The following TMTC1 variants were observed in gnomAD, a reference collection of about 807,000 sequenced individuals.
The protein encoded by TMTC1 is protein O-mannosyl-transferase TMTC1.
A neutral mutation model predicts 104.8 loss-of-function variants in TMTC1; 73 were observed. The ratio of observed to expected loss-of-function variants is 0.70; its 90% CI spans 0.58 to 0.85. TMTC1 has a LOEUF of 0.85. Among genes scored for constraint, TMTC1 ranks in the 40% least tolerant of loss-of-function variants. The pLI, the probability that TMTC1 is intolerant of heterozygous loss-of-function variation, is 0.00. For missense variants in TMTC1, 1,035 were observed against 1,096.1 expected, an observed-to-expected ratio of 0.94 and a Z score of 0.79; for synonymous variants, 434 against 428.7, an observed-to-expected ratio of 1.01 and a Z score of -0.15.
chr12:29,644,042 ATTT>A lies in TMTC1; in HGVS notation c.939-10709_939-10707del, dbSNP rs1360656716. Among the ~76,000 whole-genome samples the A allele has an allele frequency of 8.6e-3, 853 of 99,434 alleles. 35 individuals carry two copies. The highest frequency in any genetic ancestry group is 0.035 in the African/African-American group (821 of 23,796). The allele number at this position is 99,434 out of a possible 152,430, so 65.2% of individuals were successfully genotyped here. ...ATTTATATATAAATATAAATATATA[ATTT>A]ATATATAAATATAAATATATAATTT... is the stretch of plus-strand genomic sequence containing the variant. On this transcript the variant is annotated intron_variant, in intron 5 of 17. Coordinates refer to ENST00000539277, the MANE Select transcript of TMTC1 (RefSeq NM_001193451.2).
chr12:29,759,370 GC>G (rs1943291813), intron 2 of TMTC1, among the ~76,000 whole-genome samples: 1 of 152,114 alleles, frequency 6.6e-6, no homozygotes. Context: ...GGTGGCACAT[GC>G]CTGTAGTTCC....
chr12:29,643,614 TATATATC>T (rs1939007594), intron 5 of TMTC1, among the ~76,000 whole-genome samples: 1 of 32,248 alleles, frequency 3.1e-5, no homozygotes, highest in Non-Finnish European at 4.8e-5. Flanking sequence ...TTATATATAA[TATATATC>T]TATATATTAT....
intron 2 of TMTC1, among the ~76,000 whole-genome samples, chr12:29,763,756 G>C: frequency 6.6e-6 from 1 of 152,210 alleles, no homozygotes; most frequent in South Asian, 2.1e-4. Flanking sequence ...CTCAAGGCGA[G>C]AGGAAGCTCA....
At chr12:29,515,463 G>C (rs1398756595) in intron 15 of TMTC1, among the ~76,000 whole-genome samples, 1 of 152,140 alleles carries the variant, frequency 6.6e-6, no homozygotes, top group African/African-American at 2.4e-5. Flanking sequence ...ATTCCTCAGA[G>C]AGGCCCCTCA....
intron 5 of TMTC1, among the ~76,000 whole-genome samples, chr12:29,728,842 A>T (rs1456783613): frequency 6.6e-6 from 1 of 151,568 alleles, no homozygotes; most frequent in East Asian, 2.0e-4. Context: ...ACAAAAAAAA[A>T]AAAAAATTAC....
At chr12:29,750,106 TC>T in intron 5 of TMTC1, among the ~76,000 whole-genome samples, 1 of 146,716 alleles carries the variant, frequency 6.8e-6, no homozygotes, top group East Asian at 2.3e-4. Context: ...AACTCCAGTA[TC>T]TTCCCATTCC....
intron 15 of TMTC1, 41 bp downstream of exon 15, chr12:29,516,308 A>G: frequency 6.3e-7 from 1 of 1,586,400 alleles, no homozygotes. Flanking sequence ...CCCATGTTTA[A>G]CCTATGAATC....
At chr12:29,528,014 T>A (rs1324705594) in intron 11 of TMTC1, among the ~76,000 whole-genome samples, 2 of 152,204 alleles carry the variant, frequency 1.3e-5, no homozygotes, top group African/African-American at 4.8e-5. Context: ...TTCACTTGAT[T>A]GTCAATTTCA....
At chr12:29,637,317 A>C (rs1938609442) in intron 5 of TMTC1, among the ~76,000 whole-genome samples, 1 of 152,216 alleles carries the variant, frequency 6.6e-6, no homozygotes, top group Admixed American at 6.5e-5. Context: ...TTTCAGAAGC[A>C]AAATAATCTG....
chr12:29,549,779 G>C (rs990835204), intron 10 of TMTC1, among the ~76,000 whole-genome samples: 4 of 152,104 alleles, frequency 2.6e-5, no homozygotes, highest in Admixed American at 2.6e-4. Context: ...CTGAGGAGGG[G>C]AACAGAGGAT....
Position 29,503,735 on chromosome 12 carries a change from T to C in TMTC1, c.*3111A>G, listed in dbSNP as rs1314149603. The C allele has an allele frequency of 1.3e-5, 2 of 152,232 alleles. No homozygotes were observed. The highest frequency in any genetic ancestry group is 2.9e-5 in the Non-Finnish European group (2 of 68,054). 9.4% of individuals were successfully genotyped at this position (152,232 alleles called of 1,614,324 possible). ...GCCATCCTTCCTACCCAGGACCTGT[T>C]TGGGAACCCAGTGCAAAATGAAAGT... On this transcript the variant is annotated 3_prime_UTR_variant, in exon 18 of 18. Transcript: ENST00000539277.
chr12:29,588,138 G>A (rs1946188419), intron 7 of TMTC1, among the ~76,000 whole-genome samples: 1 of 152,120 alleles, frequency 6.6e-6, no homozygotes, highest in Non-Finnish European at 1.5e-5. Context: ...CACTGAGGAG[G>A]ATGATTTGAG....
At chr12:29,678,221 T>C (rs969108607) in intron 5 of TMTC1, among the ~76,000 whole-genome samples, 1 of 152,208 alleles carries the variant, frequency 6.6e-6, no homozygotes, top group African/African-American at 2.4e-5. Context: ...TGACTTTCAT[T>C]TCTAAAACAA....
At chr12:29,680,565 A>ATTGCCAAAG (rs1940880616) in intron 5 of TMTC1, among the ~76,000 whole-genome samples, 1 of 152,252 alleles carries the variant, frequency 6.6e-6, no homozygotes, top group African/African-American at 2.4e-5. Context: ...CGTTACAGTC[A>ATTGCCAAAG]ATATTGCCTA....
intron 9 of TMTC1, among the ~76,000 whole-genome samples, chr12:29,566,757 A>G (rs1046804372): frequency 3.3e-5 from 5 of 152,158 alleles, no homozygotes; most frequent in African/African-American, 1.2e-4. Flanking sequence ...AGTCTTTTAT[A>G]TGAATTATCT....
chr12:29,723,898 T>G (rs1235124148), intron 5 of TMTC1, among the ~76,000 whole-genome samples: 1 of 152,044 alleles, frequency 6.6e-6, no homozygotes, highest in Non-Finnish European at 1.5e-5. Flanking sequence ...AGGAAAAAAG[T>G]AAAGAAGGGG....
At chr12:29,515,678 A>G (rs544967422) in intron 15 of TMTC1, among the ~76,000 whole-genome samples, 82 of 149,564 alleles carry the variant, frequency 5.5e-4, no homozygotes, top group African/African-American at 1.9e-3. Context: ...CACAGCTATC[A>G]CTCTACATTT....
intron 9 of TMTC1, 74 bp from the exon 10 acceptor site, chr12:29,557,074 C>A (rs956866945): frequency 1.8e-5 from 27 of 1,532,040 alleles, no homozygotes; most frequent in Non-Finnish European, 2.0e-5. Context: ...TGTTCTTCTT[C>A]CCCCAAGTAT....
chr12:29,770,988 CT>C (rs2120544993), intron 1 of TMTC1, among the ~76,000 whole-genome samples: 1 of 152,258 alleles, frequency 6.6e-6, no homozygotes, highest in South Asian at 2.1e-4. Flanking sequence ...CAAAATCTCC[CT>C]GCAAACAAGA....
Sources: gnomAD v4.1 joint callset for allele counts (sites outside exome capture counted in the v4.1 genomes callset) on GRCh38, gnomAD v4.1.1 for gene constraint, MANE v1.5 for transcripts, NCBI Gene and HGNC (gene_info 2026-07-23, HGNC 2026-07-21) for gene names.